Variants in ZNF521 observed in about 807,000 individuals in gnomAD.
ZNF521 encodes LYST-interacting protein 3.
Under a neutral mutation model 105.5 loss-of-function variants are expected in ZNF521, and 14 were observed. The ratio of observed to expected loss-of-function variants is 0.13; its 90% CI spans 0.09 to 0.21. The LOEUF is 0.21. ZNF521 is among the 10% of genes least tolerant of loss of function. ZNF521 has a pLI of 1.00. For missense variants in ZNF521, 1,233 were observed against 1,629.7 expected, an observed-to-expected ratio of 0.76 and a Z score of 4.19; for synonymous variants, 635 against 606.0, an observed-to-expected ratio of 1.05 and a Z score of -0.70.
At chr18:25,179,141 TTTTTTTTTTTTTTTTTTG>T (rs1405059309) in intron 5 of ZNF521, among the ~76,000 whole-genome samples, 8 of 97,776 alleles carry the variant, frequency 8.2e-5, no homozygotes, top group African/African-American at 3.1e-4. Context: ...TTTTTTTTTT[TTTTTTTTTTTTTTTTTTG>T]GTGGTGGTGG....
intron 7 of ZNF521, among the ~76,000 whole-genome samples, chr18:25,073,324 C>T (rs996796735): frequency 2.6e-5 from 4 of 152,068 alleles, no homozygotes; most frequent in African/African-American, 4.8e-5. Context: ...TTTTGAATCC[C>T]GGAAGGTTTT....
chr18:25,168,178 G>A (rs774724841), intron 5 of ZNF521, among the ~76,000 whole-genome samples: 6 of 152,024 alleles, frequency 3.9e-5, no homozygotes, highest in Non-Finnish European at 5.9e-5. Context: ...TCTAGGGAGC[G>A]AGGTGGAGAA....
chr18:25,331,997 G>T (rs1245591849), intron 2 of ZNF521, among the ~76,000 whole-genome samples: 1 of 148,710 alleles, frequency 6.7e-6, no homozygotes, highest in Non-Finnish European at 1.5e-5. Flanking sequence ...AAAATTAATC[G>T]AAACATTTTG....
intron 5 of ZNF521, among the ~76,000 whole-genome samples, chr18:25,104,288 A>G (rs2034028008): frequency 6.6e-6 from 1 of 152,200 alleles, no homozygotes. Context: ...ACACAAAAGG[A>G]AATCTACTGA....
chr18:25,110,697 A>G (rs540735363), intron 5 of ZNF521, among the ~76,000 whole-genome samples: 1 of 152,100 alleles, frequency 6.6e-6, no homozygotes, highest in Admixed American at 6.5e-5. Context: ...AAAAAAAAAA[A>G]ATTGTGTGTT....
chr18:25,313,442 T>C (rs572932266), intron 3 of ZNF521, among the ~76,000 whole-genome samples: 1 of 151,798 alleles, frequency 6.6e-6, no homozygotes, highest in East Asian at 1.9e-4. Flanking sequence ...ACCTACCATA[T>C]GAAAGGGAAA....
intron 5 of ZNF521, among the ~76,000 whole-genome samples, chr18:25,123,126 A>C (rs184757149): frequency 6.8e-6 from 1 of 146,176 alleles, no homozygotes; most frequent in Non-Finnish European, 1.5e-5. Context: ...AATTATCTGT[A>C]CTTACAAATG....
rs140950113 is a variant in ZNF521, at chr18:25,121,957, T to C, written c.3659-29876A>G. The stretch of plus-strand genomic sequence containing the variant: ...CCAAACACGTAAAGAAGCAGGAAAA[T>C]GCAACACATAGGGCAAAGCAAAAAA... On this transcript the variant is annotated intron_variant, in intron 5 of 7. Transcript: ENST00000361524. 2.6e-5 allele frequency among the ~76,000 whole-genome samples: 4 copies of C among 152,006 alleles called. No individual in the cohort carries two copies. The East Asian group carries it at 7.7e-4, about 29-fold the overall frequency.
At chr18:25,231,688 A>G (rs540850851) in intron 3 of ZNF521, among the ~76,000 whole-genome samples, 2 of 152,182 alleles carry the variant, frequency 1.3e-5, no homozygotes, top group Non-Finnish European at 2.9e-5. Flanking sequence ...AAATTAGAAA[A>G]TAAGATCAAA....
intron 5 of ZNF521, among the ~76,000 whole-genome samples, chr18:25,164,189 A>G (rs2035297927): frequency 6.6e-6 from 1 of 152,114 alleles, no homozygotes; most frequent in Non-Finnish European, 1.5e-5. Flanking sequence ...TAGTTAAATA[A>G]AGTATGCTGG....
At chr18:25,224,170 A>G (rs1048953009) in intron 4 of ZNF521, 175 bp downstream of exon 4, 4 of 650,778 alleles carry the variant, frequency 6.1e-6, no homozygotes, top group Non-Finnish European at 1.1e-5. Flanking sequence ...AATGCTGCTT[A>G]TCAAGAAGCA....
chr18:25,172,116 C>T (rs994020763), intron 5 of ZNF521, among the ~76,000 whole-genome samples: 5 of 151,984 alleles, frequency 3.3e-5, no homozygotes, highest in Admixed American at 1.3e-4. Flanking sequence ...TATTAATGTT[C>T]AAATTTAGAG....
intron 3 of ZNF521, among the ~76,000 whole-genome samples, chr18:25,286,594 A>C (rs969656470): frequency 2.0e-5 from 3 of 152,246 alleles, no homozygotes; most frequent in African/African-American, 7.2e-5. Context: ...AACAAAGGTC[A>C]TACAATAATC....
At chr18:25,085,603 C>G (rs887148348) in intron 7 of ZNF521, among the ~76,000 whole-genome samples, 7 of 151,704 alleles carry the variant, frequency 4.6e-5, no homozygotes, top group Non-Finnish European at 8.8e-5. Flanking sequence ...TATGTACACA[C>G]ATAGTATATA....
At chr18:25,177,370 C>T (rs2144579419) in intron 5 of ZNF521, among the ~76,000 whole-genome samples, 1 of 152,180 alleles carries the variant, frequency 6.6e-6, no homozygotes, top group Admixed American at 6.5e-5. Flanking sequence ...TTCATAGGCA[C>T]CCATGGTATC....
At chr18:25,110,196 C>T (rs949289989) in intron 5 of ZNF521, among the ~76,000 whole-genome samples, 1 of 152,074 alleles carries the variant, frequency 6.6e-6, no homozygotes, top group Admixed American at 6.6e-5. Context: ...TGTCAGCTGC[C>T]CCAAAGCAGT....
intron 5 of ZNF521, among the ~76,000 whole-genome samples, chr18:25,193,359 T>A (rs918923185): frequency 2.6e-5 from 4 of 152,100 alleles, no homozygotes; most frequent in Non-Finnish European, 1.5e-5. Flanking sequence ...ATCTATGTAC[T>A]GGGACAAATA....
At chr18:25,129,268 T>TAATA (rs72264876) in intron 5 of ZNF521, among the ~76,000 whole-genome samples, 1,021 of 77,538 alleles carry the variant, frequency 0.013, 10 homozygotes, top group African/African-American at 0.04. Flanking sequence ...TAATAATAAT[T>TAATA]ATTATTATTA....
rs573976623 is a variant in ZNF521, at chr18:25,130,815, T to C, written c.3659-38734A>G. ...ATAATTAGCCAGGTGTTGTGGTGCATGCCTGTAGTCCCAGCTACTTGGGAG... is the reference window on the plus strand; with the variant it reads ...ATAATTAGCCAGGTGTTGTGGTGCACGCCTGTAGTCCCAGCTACTTGGGAG... On this transcript the variant is annotated intron_variant, in intron 5 of 7. Coordinates refer to ENST00000361524, the MANE Select transcript of ZNF521 (RefSeq NM_015461.3). Among the ~76,000 whole-genome samples, 13 of 152,098 alleles carry C rather than the reference T, an allele frequency of 8.5e-5. No individual in the cohort carries two copies. In the East Asian group the frequency reaches 2.3e-3, roughly 27 times the overall value.
Sources: allele counts gnomAD v4.1 joint callset (sites outside exome capture counted in the v4.1 genomes callset), GRCh38; gene constraint gnomAD v4.1.1; transcripts MANE v1.5; gene names NCBI Gene and HGNC (gene_info 2026-07-23, HGNC 2026-07-21).